The following SCAPER variants were observed in gnomAD, a reference collection of about 807,000 sequenced individuals.
SCAPER encodes the protein S phase cyclin A-associated protein in the endoplasmic reticulum.
Under a neutral mutation model 182.2 loss-of-function variants are expected in SCAPER, and 98 were observed. The observed-to-expected ratio is 0.54, with a 90% confidence interval of 0.46 to 0.64. The LOEUF (loss-of-function observed/expected upper bound fraction) is 0.64. SCAPER is among the 30% of genes least tolerant of loss of function. The pLI is 0.00. For missense variants in SCAPER, 1,432 were observed against 1,690.0 expected (o/e 0.85, Z 2.68); for synonymous variants, 605 against 564.6 (o/e 1.07, Z -1.01).
At chr15:76,416,984 T>C (rs543147113) in intron 26 of SCAPER, among the ~76,000 whole-genome samples, 5 of 152,088 alleles carry the variant, frequency 3.3e-5, no homozygotes, top group African/African-American at 7.2e-5. Flanking sequence ...GAAGGACTGC[T>C]TGAGGCCAGG....
intron 15 of SCAPER, among the ~76,000 whole-genome samples, chr15:76,735,966 A>C (rs2061239894): frequency 6.6e-6 from 1 of 152,202 alleles, no homozygotes; most frequent in African/African-American, 2.4e-5. Context: ...CCATGGATTC[A>C]ATCAACCATA....
At chr15:76,459,473 T>G (rs1596748653) in intron 25 of SCAPER, among the ~76,000 whole-genome samples, 1 of 152,116 alleles carries the variant, frequency 6.6e-6, no homozygotes, top group East Asian at 1.9e-4. Context: ...ATATACCTGT[T>G]GGCTATCTGT....
At chr15:76,511,885 ATTTTT>A (rs57258010) in intron 23 of SCAPER, among the ~76,000 whole-genome samples, 6,341 of 113,584 alleles carry the variant, frequency 0.056, 195 homozygotes, top group East Asian at 0.097. Flanking sequence ...ATATATATAT[ATTTTT>A]TTTTTTTTTT....
chr15:76,363,842 G>C lies in SCAPER; in HGVS notation c.3856-9702C>G, dbSNP rs551962085. Reference sequence around the variant, plus strand: ...TCCTGCTACAATGCTATAGTAAAAAGGCAGCAGCTGCGGTGGCCAGGCGAG... The same window carrying C: ...TCCTGCTACAATGCTATAGTAAAAACGCAGCAGCTGCGGTGGCCAGGCGAG... On this transcript the variant is annotated intron_variant, in intron 29 of 31. Coordinates refer to ENST00000563290, the MANE Select transcript of SCAPER (RefSeq NM_020843.4). Among the ~76,000 whole-genome samples, 4 of 152,300 alleles carry C rather than the reference G, an allele frequency of 2.6e-5. 1 individual carries two copies. Among genetic ancestry groups the C allele is most frequent in the African/African-American group, 9.6e-5 (4 of 41,562 alleles).
chr15:76,754,281 C>T (rs2062275437), intron 14 of SCAPER, among the ~76,000 whole-genome samples: 1 of 152,020 alleles, frequency 6.6e-6, no homozygotes, highest in Non-Finnish European at 1.5e-5. Flanking sequence ...CATGCCTCTA[C>T]AGAAATATTT....
At chr15:76,657,588 C>CAAA (rs35243291) in intron 21 of SCAPER, among the ~76,000 whole-genome samples, 51 of 129,836 alleles carry the variant, frequency 3.9e-4, no homozygotes, top group African/African-American at 1.1e-3. Flanking sequence ...GACACAACAA[C>CAAA]AAAAAAAAAA....
chr15:76,388,498 T>C (rs1235284694), intron 27 of SCAPER, among the ~76,000 whole-genome samples: 1 of 151,796 alleles, frequency 6.6e-6, no homozygotes, highest in Non-Finnish European at 1.5e-5. Flanking sequence ...AAAAGTGAAG[T>C]GGGCCGTTTG....
intron 24 of SCAPER, among the ~76,000 whole-genome samples, chr15:76,477,219 G>A (rs2050724776): frequency 2.0e-5 from 3 of 152,164 alleles, no homozygotes; most frequent in African/African-American, 7.2e-5. Context: ...AGTTTGAGAT[G>A]TCTTTGCTTC....
intron 24 of SCAPER, among the ~76,000 whole-genome samples, chr15:76,484,431 A>G (rs1049361080): frequency 6.6e-6 from 1 of 152,100 alleles, no homozygotes; most frequent in South Asian, 2.1e-4. Flanking sequence ...CCCTCTCAAA[A>G]CTGAACCAGG....
At chr15:76,464,110 G>A (rs79636927) in intron 25 of SCAPER, among the ~76,000 whole-genome samples, 12,992 of 148,778 alleles carry the variant, frequency 0.087, 689 homozygotes, top group African/African-American at 0.14. Flanking sequence ...TGTAAAATGG[G>A]TCTCTAGAAC....
chr15:76,774,943 A>C lies in SCAPER; in HGVS notation c.947T>G (p.Phe316Cys). 6.2e-7 allele frequency: 1 copy of C among 1,613,774 alleles called. No homozygotes were observed. The highest frequency in any genetic ancestry group is 8.5e-7 in the Non-Finnish European group (1 of 1,179,760). ...LPDESIQKGQ[F>C]VGDGTSNTIE... ...AGTATTAGAAGTTCCATCTCCAACA[A>C]ATTGACCTTTCTGTATGCTTTCATC... Residue 316 changes from phenylalanine (F) to cysteine (C), a missense_variant, in exon 9 of 32, where the codon TTT becomes TGT. By Grantham distance (205) the Phe-to-Cys change is radical. Around this residue, in one of 5 missense-constraint regions of SCAPER, gnomAD observed 480 missense variants for 510.2 expected, o/e 0.94. Transcript: ENST00000563290.
chr15:76,536,660 C>T (rs568526345), intron 23 of SCAPER, among the ~76,000 whole-genome samples: 1 of 152,170 alleles, frequency 6.6e-6, no homozygotes, highest in East Asian at 1.9e-4. Context: ...TGGCACAAGA[C>T]AGGGATGCCC....
chr15:76,605,766 C>T (rs530671926), intron 22 of SCAPER, among the ~76,000 whole-genome samples: 30 of 152,240 alleles, frequency 2.0e-4, no homozygotes, highest in Non-Finnish European at 4.0e-4. Context: ...ATGTATGTGT[C>T]GATGAATTTA....
In SCAPER at chr15:76,598,261, C is replaced by T. The variant is rs1224438871; in HGVS notation, c.2711+23503G>A. On this transcript the variant is annotated intron_variant, in intron 22 of 31. Coordinates refer to ENST00000563290, the MANE Select transcript of SCAPER (RefSeq NM_020843.4). ...AAAACCACAATGAGATACCGTCTCACGCCAGTTAGAATGGTGACCATTAAA... is the reference window on the plus strand; with the variant it reads ...AAAACCACAATGAGATACCGTCTCATGCCAGTTAGAATGGTGACCATTAAA... Among the ~76,000 whole-genome samples the T allele has an allele frequency of 3.3e-5, 4 of 121,660 alleles. 1 individual carries two copies. Among genetic ancestry groups the T allele is most frequent in the East Asian group, 2.2e-4 (1 of 4,558 alleles). The allele number at this position is 121,660 out of a possible 152,430, so 79.8% of individuals were successfully genotyped here. A position where few individuals can be genotyped will look rare whatever the true frequency, so the allele number is the denominator to read the frequency against.
rs572016957 is a variant in SCAPER, at chr15:76,722,279, A to C, written c.2165+6316T>G. Among the ~76,000 whole-genome samples, 4 of 152,288 alleles carry C rather than the reference A, an allele frequency of 2.6e-5. No homozygotes were observed. In the South Asian group the frequency reaches 8.3e-4, roughly 32 times the overall value. On this transcript the variant is annotated intron_variant, in intron 17 of 31. Coordinates refer to ENST00000563290, the MANE Select transcript of SCAPER (RefSeq NM_020843.4). Reference sequence around the variant, plus strand: ...GCCTTGCATCCCAGGGATGAAGCCCACTTGATCATGGTGGATAAGCTTTTC... The same window carrying C: ...GCCTTGCATCCCAGGGATGAAGCCCCCTTGATCATGGTGGATAAGCTTTTC...
At chr15:76,481,299 TA>T in intron 24 of SCAPER, among the ~76,000 whole-genome samples, 1 of 152,326 alleles carries the variant, frequency 6.6e-6, no homozygotes, top group Admixed American at 6.5e-5. Context: ...GTTATTTTAT[TA>T]AGCTTTCACT....
chr15:76,885,825 C>A (rs1308463581), intron 1 of SCAPER, among the ~76,000 whole-genome samples: 1 of 152,160 alleles, frequency 6.6e-6, no homozygotes, highest in South Asian at 2.1e-4. Flanking sequence ...CAAAGAAAAG[C>A]TATGGGAGTT....
chr15:76,612,156 T>C (rs1043491023), intron 22 of SCAPER, among the ~76,000 whole-genome samples: 1 of 152,190 alleles, frequency 6.6e-6, no homozygotes, highest in Non-Finnish European at 1.5e-5. Context: ...AAAATCAAAC[T>C]ATCCCTGTTT....
intron 15 of SCAPER, among the ~76,000 whole-genome samples, chr15:76,749,836 AC>A (rs1356966836): frequency 6.6e-6 from 1 of 152,000 alleles, no homozygotes; most frequent in African/African-American, 2.4e-5. Context: ...CCCAATTTAA[AC>A]CCAGATAGGC....
Sources: gnomAD v4.1 joint callset for allele counts (sites outside exome capture counted in the v4.1 genomes callset) on GRCh38, gnomAD v4.1.1 for gene constraint, gnomAD v4.1.1 regional missense constraint, MANE v1.5 for transcripts, NCBI Gene and HGNC (gene_info 2026-07-23, HGNC 2026-07-21) for gene names.